BNC2: variants seen among roughly 807,000 people sequenced by gnomAD.
The protein encoded by BNC2 is zinc finger protein basonuclin-2.
Under a neutral mutation model 76.3 loss-of-function variants are expected in BNC2, and 20 were observed. The ratio of observed to expected loss-of-function variants is 0.26; its 90% CI spans 0.18 to 0.38. The LOEUF (loss-of-function observed/expected upper bound fraction) is 0.38. Ranked by LOEUF, BNC2 falls within the 10% of genes least tolerant of loss-of-function variation. The pLI, the probability that BNC2 is intolerant of heterozygous loss-of-function variation, is 1.00. For synonymous variants in BNC2, 582 were observed against 514.8 expected (o/e 1.13, Z -1.77); for missense variants, 1,382 against 1,399.8 (o/e 0.99, Z 0.20).
intron 1 of BNC2, among the ~76,000 whole-genome samples, chr9:16,760,848 G>A (rs962261331): frequency 6.6e-6 from 1 of 151,772 alleles, no homozygotes; most frequent in African/African-American, 2.4e-5. Flanking sequence ...GGAAACAGGG[G>A]AAAAAATAAT....
chr9:16,573,932 A>G (rs1305317232), intron 4 of BNC2, among the ~76,000 whole-genome samples: 2 of 152,344 alleles, frequency 1.3e-5, no homozygotes, highest in Non-Finnish European at 2.9e-5. Context: ...TACAATTCAG[A>G]GTTATCTTTG....
rs899468052 is a variant in BNC2, at chr9:16,471,853, C to T, written c.670-34329G>A. Among the ~76,000 whole-genome samples the T allele has an allele frequency of 2.6e-5, 4 of 151,948 alleles. No homozygotes were observed. The East Asian group carries it at 5.8e-4, about 22-fold the overall frequency. Reference sequence around the variant, plus strand: ...AATTCCCACATGTTGTAGGAGGCACCGAGGGGGAGGTAACTGAATCATGGG... The same window carrying T: ...AATTCCCACATGTTGTAGGAGGCACTGAGGGGGAGGTAACTGAATCATGGG... On this transcript the variant is annotated intron_variant, in intron 5 of 6. Coordinates refer to ENST00000380672, the MANE Select transcript of BNC2 (RefSeq NM_017637.6).
chr9:16,671,887 T>C (rs1461404795), intron 3 of BNC2, among the ~76,000 whole-genome samples: 2 of 152,210 alleles, frequency 1.3e-5, no homozygotes, highest in Admixed American at 1.3e-4. Context: ...AAAATGCAAG[T>C]TGCATAATCT....
chr9:16,790,431 A>C (rs1817472737), intron 1 of BNC2, among the ~76,000 whole-genome samples: 2 of 152,244 alleles, frequency 1.3e-5, no homozygotes, highest in South Asian at 4.1e-4. Flanking sequence ...TAGTACTCTA[A>C]AACATCAGAA....
intron 3 of BNC2, among the ~76,000 whole-genome samples, chr9:16,708,674 A>T (rs952433200): frequency 2.0e-5 from 3 of 152,132 alleles, no homozygotes; most frequent in Non-Finnish European, 2.9e-5. Context: ...AATAAGAATG[A>T]GATGGGGAGG....
In BNC2 at chr9:16,587,440, C is replaced by G. The variant is rs184122050; in HGVS notation, c.331-4355G>C. Among the ~76,000 whole-genome samples the G allele has an allele frequency of 3.3e-5, 5 of 152,244 alleles. 1 individual carries two copies. In the East Asian group the frequency reaches 7.7e-4, roughly 24 times the overall value. On this transcript the variant is annotated intron_variant, in intron 3 of 6. Transcript: ENST00000380672. The stretch of plus-strand genomic sequence containing the variant: ...ATAGGGCAGAGTTTTCACTGATATT[C>G]TGCCTTTCTCCAAAGATTATGTATC...
intron 1 of BNC2, among the ~76,000 whole-genome samples, chr9:16,822,861 A>AT (rs896942916): frequency 1.3e-5 from 2 of 152,188 alleles, no homozygotes; most frequent in South Asian, 2.1e-4. Context: ...AAATTTGAAT[A>AT]TTTTTTTAAG....
intron 1 of BNC2, among the ~76,000 whole-genome samples, chr9:16,763,567 C>A (rs1020882282): frequency 1.4e-4 from 21 of 150,928 alleles, no homozygotes; most frequent in African/African-American, 5.2e-4. Flanking sequence ...AAGACCCTGT[C>A]TCAAAAAAAC....
chr9:16,742,259 G>A (rs975288302), intron 1 of BNC2, among the ~76,000 whole-genome samples: 4 of 152,150 alleles, frequency 2.6e-5, no homozygotes, highest in African/African-American at 9.7e-5. Context: ...TTGAACAAAG[G>A]CATAAAAGAT....
chr9:16,659,858 T>A (rs1213546541), intron 3 of BNC2, among the ~76,000 whole-genome samples: 1 of 152,148 alleles, frequency 6.6e-6, no homozygotes, highest in East Asian at 1.9e-4. Flanking sequence ...CTTATTATAC[T>A]CCCTATCTTA....
intron 5 of BNC2, among the ~76,000 whole-genome samples, chr9:16,481,085 T>A (rs1822043993): frequency 6.6e-6 from 1 of 152,088 alleles, no homozygotes; most frequent in Non-Finnish European, 1.5e-5. Context: ...GCACCCTGTG[T>A]CTAGCTCAGG....
chr9:16,836,115 C>A (rs371152143), intron 1 of BNC2, among the ~76,000 whole-genome samples: 2 of 152,152 alleles, frequency 1.3e-5, no homozygotes, highest in South Asian at 4.1e-4. Context: ...TTGCCTCTCA[C>A]GCTATGAATG....
chr9:16,826,972 A>C (rs1818465098), intron 1 of BNC2, among the ~76,000 whole-genome samples: 1 of 152,330 alleles, frequency 6.6e-6, no homozygotes, highest in African/African-American at 2.4e-5. Flanking sequence ...ATGCAGAAAA[A>C]CCAAAGGTTA....
chr9:16,730,407 T>G lies in BNC2; in HGVS notation c.130-2410A>C, dbSNP rs138595932. On this transcript the variant is annotated intron_variant, in intron 2 of 6. Coordinates refer to ENST00000380672, the MANE Select transcript of BNC2 (RefSeq NM_017637.6). Reference sequence around the variant, plus strand: ...TGGCATTACAAAACAAAGGGCTAATTTGGAGACCCTGCTGTGAACAATCTG... The same window carrying G: ...TGGCATTACAAAACAAAGGGCTAATGTGGAGACCCTGCTGTGAACAATCTG... Among the ~76,000 whole-genome samples, 715 of 152,296 alleles carry G rather than the reference T, an allele frequency of 4.7e-3. 2 individuals carry two copies. Among genetic ancestry groups the G allele is most frequent in the African/African-American group, 0.016 (677 of 41,568 alleles).
intron 5 of BNC2, among the ~76,000 whole-genome samples, chr9:16,467,575 C>T (rs1267604741): frequency 8.0e-5 from 11 of 137,068 alleles, no homozygotes; most frequent in African/African-American, 2.2e-4. Context: ...AGTAAACTAT[C>T]GCAAGAACAA....
intron 1 of BNC2, among the ~76,000 whole-genome samples, chr9:16,801,676 AG>A (rs1817783079): frequency 6.6e-6 from 1 of 152,004 alleles, no homozygotes; most frequent in Non-Finnish European, 1.5e-5. Context: ...CAAAGGAGTG[AG>A]AAAGCCATGC....
At chr9:16,473,882 T>C (rs1267463397) in intron 5 of BNC2, among the ~76,000 whole-genome samples, 1 of 151,876 alleles carries the variant, frequency 6.6e-6, no homozygotes, top group Non-Finnish European at 1.5e-5. Flanking sequence ...CAAAAATAAA[T>C]AAATAAGAAA....
At chr9:16,453,861 A>G (rs1821392562) in intron 5 of BNC2, among the ~76,000 whole-genome samples, 1 of 152,212 alleles carries the variant, frequency 6.6e-6, no homozygotes, top group Non-Finnish European at 1.5e-5. Context: ...AAATGATTTA[A>G]GCATAAATTC....
chr9:16,422,055 A>G (rs1175982803), intron 6 of BNC2, among the ~76,000 whole-genome samples: 1 of 152,232 alleles, frequency 6.6e-6, no homozygotes, highest in Middle Eastern at 3.2e-3. Context: ...ATAAATTAAC[A>G]TTGAGAAAAG....
Sources: allele counts gnomAD v4.1 joint callset (sites outside exome capture counted in the v4.1 genomes callset), GRCh38; gene constraint gnomAD v4.1.1; transcripts MANE v1.5; gene names NCBI Gene and HGNC (gene_info 2026-07-23, HGNC 2026-07-21).